Variants in APBA2 observed in about 807,000 individuals in gnomAD.
APBA2 encodes amyloid-beta A4 precursor protein-binding family A member 2.
A neutral mutation model predicts 75.0 loss-of-function variants in APBA2; 30 were observed. That is an observed-to-expected ratio of 0.40 (90% CI 0.30 to 0.54). The LOEUF (loss-of-function observed/expected upper bound fraction) is 0.54. Among genes scored for constraint, APBA2 ranks in the 20% least tolerant of loss-of-function variants. The pLI is 0.49. For synonymous variants in APBA2, 444 were observed against 409.6 expected (o/e 1.08, Z -1.01); for missense variants, 801 against 1,016.1 (o/e 0.79, Z 2.88).
At chr15:29,023,533 G>A (rs1159145244) in intron 3 of APBA2, among the ~76,000 whole-genome samples, 1 of 129,946 alleles carries the variant, frequency 7.7e-6, no homozygotes, top group African/African-American at 2.9e-5. Flanking sequence ...TTGGCTCACT[G>A]CAACCTCTGT....
rs1006038329 is a variant in APBA2 at position 28,918,423 on chromosome 15, C to G, written c.-204-3217C>G. Among the ~76,000 whole-genome samples the G allele has an allele frequency of 2.6e-5, 4 of 152,178 alleles. No homozygotes were observed. Among genetic ancestry groups the G allele is most frequent in the African/African-American group, 9.7e-5 (4 of 41,446 alleles). ...CTTGATGCGCAACGCCCCCTCCAGGCCCCGAGTCCCTGTCCTTGGAGGAAG... is the reference window on the plus strand; with the variant it reads ...CTTGATGCGCAACGCCCCCTCCAGGGCCCGAGTCCCTGTCCTTGGAGGAAG... On this transcript the variant is annotated intron_variant, in intron 1 of 14. Coordinates refer to ENST00000683413, the MANE Select transcript of APBA2 (RefSeq NM_001353788.2). The surrounding 1 kb of genome is among the most constrained non-coding windows in gnomAD (Gnocchi z 4.2).
At chr15:29,071,260 G>A (rs2042609854) in intron 4 of APBA2, among the ~76,000 whole-genome samples, 1 of 152,116 alleles carries the variant, frequency 6.6e-6, no homozygotes, top group Admixed American at 6.5e-5. Flanking sequence ...AAGATTTATT[G>A]GCATTAGTGT....
intron 3 of APBA2, among the ~76,000 whole-genome samples, chr15:28,996,207 A>G (rs1010023464): frequency 4.6e-5 from 7 of 152,224 alleles, no homozygotes; most frequent in African/African-American, 1.4e-4. Context: ...AGACACATGT[A>G]TATCGGCAAT....
chr15:29,019,550 T>C (rs771999899), intron 3 of APBA2, among the ~76,000 whole-genome samples: 9 of 152,364 alleles, frequency 5.9e-5, no homozygotes, highest in Non-Finnish European at 1.5e-5. Context: ...TGTGTAGATG[T>C]AGATGGCTGT....
intron 3 of APBA2, among the ~76,000 whole-genome samples, chr15:29,010,425 T>G (rs1225675350): frequency 2.6e-5 from 4 of 151,968 alleles, no homozygotes; most frequent in Admixed American, 1.3e-4. Flanking sequence ...GCCCGGCTAA[T>G]TTTTTGTATT....
intron 6 of APBA2, among the ~76,000 whole-genome samples, chr15:29,087,132 A>C (rs1198183144): frequency 2.0e-5 from 3 of 152,228 alleles, no homozygotes; most frequent in Admixed American, 2.0e-4. Flanking sequence ...TGTTCTGCAG[A>C]ACTCCACTGT....
At chr15:28,890,647 C>T (rs1329282042) in intron 1 of APBA2, among the ~76,000 whole-genome samples, 2 of 152,178 alleles carry the variant, frequency 1.3e-5, no homozygotes, top group African/African-American at 2.4e-5. Context: ...GTAACAGGAG[C>T]TCAGTTCCAG....
intron 2 of APBA2, among the ~76,000 whole-genome samples, chr15:28,932,703 CA>C (rs1460074835): frequency 1.3e-5 from 2 of 152,168 alleles, no homozygotes; most frequent in African/African-American, 4.8e-5. Context: ...AGCCAGGTCC[CA>C]TCGTGGCTCC....
chr15:28,973,927 C>T (rs897321335), intron 2 of APBA2, among the ~76,000 whole-genome samples: 14 of 152,206 alleles, frequency 9.2e-5, no homozygotes, highest in African/African-American at 3.4e-4. Flanking sequence ...AAGAAGCAAA[C>T]AAACCATATA....
Position 29,048,662 on chromosome 15 carries a change from G to A in APBA2, c.-40-5183G>A, listed in dbSNP as rs568214336. Among the ~76,000 whole-genome samples, 97 of 152,038 alleles carry A rather than the reference G, an allele frequency of 6.4e-4. 1 individual carries two copies. The highest frequency in any genetic ancestry group is 2.1e-3 in the African/African-American group (86 of 41,470). On this transcript the variant is annotated intron_variant, in intron 3 of 14. Coordinates refer to ENST00000683413, the MANE Select transcript of APBA2 (RefSeq NM_001353788.2). ...AGAATTTAGTGTATGATGGCTGGGCGGGGTGGCTCACACCTGTAATCCCAG... is the reference window on the plus strand; with the variant it reads ...AGAATTTAGTGTATGATGGCTGGGCAGGGTGGCTCACACCTGTAATCCCAG...
chr15:28,907,731 C>T (rs2033203330), intron 1 of APBA2, among the ~76,000 whole-genome samples: 1 of 152,142 alleles, frequency 6.6e-6, no homozygotes, highest in African/African-American at 2.4e-5. Flanking sequence ...GGGGACTCTC[C>T]CTGGGCTGAC....
At position 28,920,955 on chromosome 15, in the gene APBA2, G is replaced by A. The variant is rs542508855; in HGVS notation, c.-204-685G>A. On this transcript the variant is annotated intron_variant, in intron 1 of 14. Transcript: ENST00000683413. Reference sequence around the variant, plus strand: ...AAGTCCAGGCAGATGGTGCTGATCAGTAAGGGGTGCTGGCTGAGCGCTGAT... The same window carrying A: ...AAGTCCAGGCAGATGGTGCTGATCAATAAGGGGTGCTGGCTGAGCGCTGAT... Among the ~76,000 whole-genome samples the A allele has an allele frequency of 5.3e-5, 8 of 152,316 alleles. No individual in the cohort carries two copies. In the East Asian group the frequency reaches 1.5e-3, roughly 29 times the overall value.
intron 2 of APBA2, among the ~76,000 whole-genome samples, chr15:28,981,884 C>A (rs920053028): frequency 1.3e-5 from 2 of 152,160 alleles, no homozygotes; most frequent in Admixed American, 6.5e-5. Flanking sequence ...AGGCCATTAT[C>A]CTAAGCAAAT....
At chr15:29,092,468 G>A (rs1440200992) in intron 6 of APBA2, among the ~76,000 whole-genome samples, 1 of 152,208 alleles carries the variant, frequency 6.6e-6, no homozygotes, top group African/African-American at 2.4e-5. Context: ...AGCGGATCCT[G>A]TATTGGACAC....
At chr15:29,100,393 G>A (rs1403637364) in intron 9 of APBA2, among the ~76,000 whole-genome samples, 1 of 152,248 alleles carries the variant, frequency 6.6e-6, no homozygotes, top group Non-Finnish European at 1.5e-5. Context: ...ATTCTGTGAG[G>A]AAGAAATGAG....
chr15:29,116,178 G>A (rs958409084), intron 14 of APBA2, among the ~76,000 whole-genome samples: 1 of 152,158 alleles, frequency 6.6e-6, no homozygotes, highest in African/African-American at 2.4e-5. Context: ...GGCCTTGCTT[G>A]TATACCCAGC....
chr15:28,930,236 C>G (rs2034493178), intron 2 of APBA2, among the ~76,000 whole-genome samples: 1 of 152,108 alleles, frequency 6.6e-6, no homozygotes, highest in South Asian at 2.1e-4. Context: ...GGCCCAGTTT[C>G]AGGCTTGACT....
At chr15:28,943,427 C>T (rs1020635772) in intron 2 of APBA2, among the ~76,000 whole-genome samples, 3 of 152,232 alleles carry the variant, frequency 2.0e-5, no homozygotes, top group African/African-American at 2.4e-5. Context: ...CTGTGCCCTG[C>T]ATCTGCGACT....
At chr15:29,051,934 C>G (rs2041613363) in intron 3 of APBA2, among the ~76,000 whole-genome samples, 1 of 152,182 alleles carries the variant, frequency 6.6e-6, no homozygotes, top group Non-Finnish European at 1.5e-5. Flanking sequence ...CCACTGTCCT[C>G]TCTACTGTTT....
Sources: gnomAD v4.1 joint callset for allele counts (sites outside exome capture counted in the v4.1 genomes callset) on GRCh38, gnomAD v4.1.1 for gene constraint, Gnocchi (gnomAD v3.1) non-coding constraint, MANE v1.5 for transcripts, NCBI Gene and HGNC (gene_info 2026-07-23, HGNC 2026-07-21) for gene names.